PCDHA4: variants seen among roughly 807,000 people sequenced by gnomAD.
PCDHA4 encodes the protein protocadherin alpha 4.
PCDHA4 carries 49 observed loss-of-function variants against 61.4 expected under a neutral mutation model. That is an observed-to-expected ratio of 0.80 (90% CI 0.63 to 1.01). PCDHA4 has a LOEUF of 1.01. Among genes scored for constraint, PCDHA4 ranks in the 50% least tolerant of loss-of-function variants. The pLI is 0.00. For synonymous variants in PCDHA4, 590 were observed against 550.3 expected, an observed-to-expected ratio of 1.07 and a Z score of -1.01; for missense variants, 1,254 against 1,235.8, an observed-to-expected ratio of 1.01 and a Z score of -0.22.
chr5:140,990,825 AAGCCTATTAGCAAAAATAG>A (rs2097418390), intron 3 of PCDHA4, among the ~76,000 whole-genome samples: 1 of 152,202 alleles, frequency 6.6e-6, no homozygotes, highest in Non-Finnish European at 1.5e-5. Flanking sequence ...CTCTCAGCTA[AAGCCTATTAGCAAAAATAG>A]AGCCCTGAGG....
At chr5:140,967,086 G>C in intron 1 of PCDHA4, 3 of 1,613,210 alleles carry the variant, frequency 1.9e-6, no homozygotes, top group Non-Finnish European at 2.5e-6. Context: ...CGCATTGATC[G>C]GGAGGCGCTG....
At chr5:140,999,426 A>G (rs1456581917) in intron 3 of PCDHA4, among the ~76,000 whole-genome samples, 2 of 152,204 alleles carry the variant, frequency 1.3e-5, no homozygotes, top group Middle Eastern at 3.2e-3. Context: ...TAAGAGGCCA[A>G]GTACCTTGCC....
At chr5:140,883,690 C>T (rs1313254041) in intron 1 of PCDHA4, 1 of 1,613,870 alleles carries the variant, frequency 6.2e-7, no homozygotes, top group Non-Finnish European at 8.5e-7. Context: ...GCTGCCACAT[C>T]TTCACGGTGT....
chr5:141,010,327 G>A lies in PCDHA4; in HGVS notation c.*390G>A. 2 of 1,539,744 alleles carry A rather than the reference G, an allele frequency of 1.3e-6. No individual in the cohort carries two copies. Among genetic ancestry groups the A allele is most frequent in the African/African-American group, 2.8e-5 (2 of 72,602 alleles). ...AAAGTTTTGAGATTGAGCAGCTTGG[G>A]AGTTTGTGGCCACTGGGTATGTGTG... On this transcript the variant is annotated 3_prime_UTR_variant, in exon 4 of 4. Transcript: ENST00000530339.
chr5:140,807,865 T>C lies in PCDHA4; in HGVS notation c.678T>C (p.Val226=). ...GCAAACCCGAGTTGACTGGCACCGT[T>C]CAGTTACTCATCACAGTACTGGATG... ...DGGKPELTGT[V]QLLITVLDAN... Residue 226 remains valine, a synonymous_variant, in exon 1 of 4, where the codon GTT becomes GTC. Coordinates refer to ENST00000530339, the MANE Select transcript of PCDHA4 (RefSeq NM_018907.4). 1 of 1,614,150 alleles carries C rather than the reference T, an allele frequency of 6.2e-7. No homozygotes were observed. The highest frequency in any genetic ancestry group is 8.5e-7 in the Non-Finnish European group (1 of 1,179,992).
intron 1 of PCDHA4, chr5:140,859,517 T>A (rs1364411363): frequency 5.1e-6 from 1 of 195,368 alleles, no homozygotes; most frequent in Admixed American, 5.8e-5. Flanking sequence ...ATGATTTCAT[T>A]TTTAAAAAAA....
At chr5:140,818,260 C>G (rs1461954108) in intron 1 of PCDHA4, among the ~76,000 whole-genome samples, 1 of 152,102 alleles carries the variant, frequency 6.6e-6, no homozygotes, top group Non-Finnish European at 1.5e-5. Context: ...TTTTAAATCA[C>G]TTTTTCTCTT....
At chr5:140,868,966 A>G (rs2050768695) in intron 1 of PCDHA4, 1 of 1,433,890 alleles carries the variant, frequency 7.0e-7, no homozygotes, top group Non-Finnish European at 9.3e-7. Flanking sequence ...CATACAAAGG[A>G]ACTCCATCAT....
At chr5:140,857,864 C>T (rs782625866) in intron 1 of PCDHA4, 4 of 1,597,766 alleles carry the variant, frequency 2.5e-6, no homozygotes, top group Middle Eastern at 3.4e-4. Flanking sequence ...CAACGCGTGG[C>T]TGTCGTATGA....
chr5:140,929,226 C>G lies in PCDHA4; in HGVS notation c.2386-49723C>G, dbSNP rs782065898. ...TGTTGCGTGGGGAGTACAATGCTGC[C>G]GACCTGCGAAATCTTGCCACTGGGG... is the stretch of plus-strand genomic sequence containing the variant. On this transcript the variant is annotated intron_variant, in intron 1 of 3. Transcript: ENST00000530339. 5.0e-6 allele frequency: 8 copies of G among 1,613,768 alleles called. No homozygotes were observed. In the South Asian group the frequency reaches 8.8e-5, roughly 18 times the overall value.
intron 1 of PCDHA4, among the ~76,000 whole-genome samples, chr5:140,837,580 TTGTAAATCGCCAA>T (rs1410482182): frequency 1.4e-4 from 22 of 151,942 alleles, no homozygotes; most frequent in Admixed American, 1.1e-3. Context: ...AATCACCAAA[TTGTAAATCGCCAA>T]TATATATATT....
chr5:140,849,100 G>C lies in PCDHA4; in HGVS notation c.2385+39528G>C, dbSNP rs1554142751. 2.0e-6 allele frequency: 3 copies of C among 1,471,168 alleles called. No individual in the cohort carries two copies. The Admixed American group carries it at 6.2e-5, about 30-fold the overall frequency. The allele number at this position is 1,471,168 out of a possible 1,614,324, so 91.1% of individuals were successfully genotyped here. A position where few individuals can be genotyped will look rare whatever the true frequency, so the allele number is the denominator to read the frequency against. Reference sequence around the variant, plus strand: ...CTTGTATTACGGAAACTTTTAGACAGAGAAGAAACTCCGGAGCTTCATTTA... The same window carrying C: ...CTTGTATTACGGAAACTTTTAGACACAGAAGAAACTCCGGAGCTTCATTTA... On this transcript the variant is annotated intron_variant, in intron 1 of 3. Transcript: ENST00000530339.
chr5:140,927,822 T>A (rs1554205109), intron 1 of PCDHA4: 1 of 1,614,152 alleles, frequency 6.2e-7, no homozygotes, highest in Admixed American at 1.7e-5. Context: ...AGGCATACAT[T>A]GAGGCGAGGG....
At chr5:140,934,312 A>G (rs2089755727) in intron 1 of PCDHA4, among the ~76,000 whole-genome samples, 1 of 152,108 alleles carries the variant, frequency 6.6e-6, no homozygotes, top group South Asian at 2.1e-4. Context: ...CTTACTGCAA[A>G]TGTCCAATCA....
chr5:141,006,365 C>A, intron 3 of PCDHA4, among the ~76,000 whole-genome samples: 1 of 151,966 alleles, frequency 6.6e-6, no homozygotes, highest in East Asian at 1.9e-4. Flanking sequence ...GCGCCCACCA[C>A]CACGCCCGGC....
intron 1 of PCDHA4, chr5:140,926,715 G>C (rs114961630): frequency 2.1e-6 from 2 of 952,238 alleles, no homozygotes; most frequent in Non-Finnish European, 1.4e-6. Flanking sequence ...GGCCAGCCCC[G>C]GCAATGCCGG....
chr5:140,860,681 T>G (rs2046516125), intron 1 of PCDHA4: 1 of 152,216 alleles, frequency 6.6e-6, no homozygotes, highest in Non-Finnish European at 1.5e-5. Context: ...TGCACTTATG[T>G]TTTGAGCGAC....
chr5:140,887,482 CT>C lies in PCDHA4; in HGVS notation c.2385+77912del, dbSNP rs2061466213. 4.6e-5 allele frequency among the ~76,000 whole-genome samples: 7 copies of C among 152,170 alleles called. 1 individual carries two copies. The highest frequency in any genetic ancestry group is 4.6e-4 in the Admixed American group (7 of 15,274). ...AAGATATAATTCAGTTGTCTTCTGG[CT>C]TGCATAGTTTCTAATAAGATGTTTG... On this transcript the variant is annotated intron_variant, in intron 1 of 3. Coordinates refer to ENST00000530339, the MANE Select transcript of PCDHA4 (RefSeq NM_018907.4).
chr5:140,997,357 A>G (rs1309712075), intron 3 of PCDHA4, among the ~76,000 whole-genome samples: 1 of 152,218 alleles, frequency 6.6e-6, no homozygotes, highest in Non-Finnish European at 1.5e-5. Flanking sequence ...ATGTACTTAC[A>G]TAAACCTAGA....
Sources: gnomAD v4.1 joint callset for allele counts (sites outside exome capture counted in the v4.1 genomes callset) on GRCh38, gnomAD v4.1.1 for gene constraint, MANE v1.5 for transcripts, NCBI Gene and HGNC (gene_info 2026-07-23, HGNC 2026-07-21) for gene names.